The following KCTD16 variants were observed in gnomAD, a reference collection of about 807,000 sequenced individuals.
The protein encoded by KCTD16 is potassium channel tetramerization domain containing 16.
KCTD16 carries 13 observed loss-of-function variants against 33.2 expected under a neutral mutation model. The observed-to-expected ratio is 0.39, with a 90% CI of 0.25 to 0.62. The LOEUF (loss-of-function observed/expected upper bound fraction) is 0.62. KCTD16 is among the 20% of genes least tolerant of loss of function. KCTD16 has a pLI of 0.50. For missense variants in KCTD16, 441 were observed against 525.1 expected (o/e 0.84, Z 1.57); for synonymous variants, 197 against 195.3 (o/e 1.01, Z -0.07).
chr5:144,456,488 G>T (rs1754065969), intron 3 of KCTD16, among the ~76,000 whole-genome samples: 1 of 152,078 alleles, frequency 6.6e-6, no homozygotes, highest in Admixed American at 6.6e-5. Context: ...CACACAGGGG[G>T]GTCAGGGGTA....
chr5:144,363,346 T>G (rs1008227320), intron 3 of KCTD16, among the ~76,000 whole-genome samples: 1 of 151,744 alleles, frequency 6.6e-6, no homozygotes, highest in Non-Finnish European at 1.5e-5. Flanking sequence ...TGTCTCAATT[T>G]TTTTTTAAGT....
chr5:144,244,450 A>G (rs1222406742), intron 3 of KCTD16, among the ~76,000 whole-genome samples: 1 of 152,218 alleles, frequency 6.6e-6, no homozygotes, highest in East Asian at 1.9e-4. Context: ...ATGCAGTAGA[A>G]AGAATAATCA....
intron 3 of KCTD16, among the ~76,000 whole-genome samples, chr5:144,220,494 C>A (rs1002651235): frequency 6.6e-6 from 1 of 152,084 alleles, no homozygotes; most frequent in Non-Finnish European, 1.5e-5. Context: ...TTCTCCCCAC[C>A]TCATGATGAT....
intron 3 of KCTD16, among the ~76,000 whole-genome samples, chr5:144,209,760 C>A (rs1474558642): frequency 1.3e-5 from 2 of 148,704 alleles, no homozygotes; most frequent in African/African-American, 5.0e-5. Flanking sequence ...CACAAAGGAA[C>A]TCAACTTCCT....
chr5:144,417,437 G>A (rs1753085442), intron 3 of KCTD16, among the ~76,000 whole-genome samples: 1 of 152,008 alleles, frequency 6.6e-6, no homozygotes, highest in Admixed American at 6.6e-5. Context: ...AATGTCTAGT[G>A]AAATTCTTTG....
intron 3 of KCTD16, among the ~76,000 whole-genome samples, chr5:144,358,791 G>T (rs961326287): frequency 1.3e-5 from 2 of 152,194 alleles, no homozygotes; most frequent in African/African-American, 4.8e-5. Flanking sequence ...TGCACCCTCA[G>T]ATGGTAGAAG....
At chr5:144,287,394 C>T (rs1352622692) in intron 3 of KCTD16, among the ~76,000 whole-genome samples, 1 of 147,562 alleles carries the variant, frequency 6.8e-6, no homozygotes, top group East Asian at 2.0e-4. Flanking sequence ...TCGTTATGCT[C>T]CTTGTGGTTG....
At chr5:144,254,660 T>C (rs1205490353) in intron 3 of KCTD16, among the ~76,000 whole-genome samples, 1 of 152,224 alleles carries the variant, frequency 6.6e-6, no homozygotes, top group Admixed American at 6.5e-5. Flanking sequence ...CATTGGTTAA[T>C]AACTTTTAAT....
At chr5:144,361,771 G>A (rs1580901999) in intron 3 of KCTD16, among the ~76,000 whole-genome samples, 1 of 151,948 alleles carries the variant, frequency 6.6e-6, no homozygotes, top group Admixed American at 6.6e-5. Flanking sequence ...GCCAAATTAG[G>A]GTGTGTTCTC....
Position 144,323,722 on chromosome 5 carries a change from A to C in KCTD16, c.832+116176A>C, listed in dbSNP as rs544116914. 2.0e-5 allele frequency among the ~76,000 whole-genome samples: 3 copies of C among 152,262 alleles called. No individual in the cohort carries two copies. The South Asian group carries it at 6.2e-4, about 32-fold the overall frequency. ...TGCTCCCCATAGTTGGAGGTCTGTG[A>C]GGCACATTTTCACAGCCACCACATA... On this transcript the variant is annotated intron_variant, in intron 3 of 3. Transcript: ENST00000512467.
chr5:144,196,789 T>A (rs894644922), intron 2 of KCTD16, among the ~76,000 whole-genome samples: 7 of 152,230 alleles, frequency 4.6e-5, no homozygotes, highest in African/African-American at 1.7e-4. Context: ...AATTGTCTGA[T>A]GTCCTCTGGC....
chr5:144,446,189 T>A (rs1343452667), intron 3 of KCTD16, among the ~76,000 whole-genome samples: 1 of 151,922 alleles, frequency 6.6e-6, no homozygotes. Context: ...TTGATTTTTT[T>A]AAATGTGGGT....
At chr5:144,352,778 T>C (rs1357589914) in intron 3 of KCTD16, among the ~76,000 whole-genome samples, 1 of 152,218 alleles carries the variant, frequency 6.6e-6, no homozygotes, top group Admixed American at 6.5e-5. Context: ...AGTCAGAACA[T>C]TGAGATGATT....
At chr5:144,201,660 C>CATG (rs1753047281) in intron 2 of KCTD16, among the ~76,000 whole-genome samples, 1 of 152,210 alleles carries the variant, frequency 6.6e-6, no homozygotes, top group Non-Finnish European at 1.5e-5. Context: ...GGCTCAGAGA[C>CATG]ATGAGTCTCC....
In KCTD16 at chr5:144,324,106, G is replaced by T. The variant is rs1445658893; in HGVS notation, c.832+116560G>T. Among the ~76,000 whole-genome samples, 5 of 152,208 alleles carry T rather than the reference G, an allele frequency of 3.3e-5. No homozygotes were observed. The East Asian group carries it at 7.7e-4, about 24-fold the overall frequency. On this transcript the variant is annotated intron_variant, in intron 3 of 3. Coordinates refer to ENST00000512467, the MANE Select transcript of KCTD16 (RefSeq NM_020768.4). ...AATCTCTTCCCATTGCTTGAAATGT[G>T]GGAAGTTTAGGGAAAAAAGGTCACA...
intron 3 of KCTD16, among the ~76,000 whole-genome samples, chr5:144,385,969 T>G (rs1580921520): frequency 6.6e-6 from 1 of 152,024 alleles, no homozygotes; most frequent in Non-Finnish European, 1.5e-5. Flanking sequence ...TGGTAGAGAG[T>G]GAGGCTGAGC....
chr5:144,347,303 A>T (rs1236560104), intron 3 of KCTD16, among the ~76,000 whole-genome samples: 1 of 152,180 alleles, frequency 6.6e-6, no homozygotes, highest in African/African-American at 2.4e-5. Flanking sequence ...AAAGAAGTAA[A>T]TGCAAAACCG....
intron 2 of KCTD16, among the ~76,000 whole-genome samples, chr5:144,182,141 G>A (rs1052482577): frequency 9.2e-5 from 14 of 151,624 alleles, no homozygotes; most frequent in Non-Finnish European, 1.5e-4. Context: ...TGAAGGGATT[G>A]ATGCTGTTAT....
intron 3 of KCTD16, among the ~76,000 whole-genome samples, chr5:144,357,915 A>T (rs1481663010): frequency 6.6e-6 from 1 of 151,704 alleles, no homozygotes; most frequent in Non-Finnish European, 1.5e-5. Context: ...TAATTAATTA[A>T]TTTTTATTTA....
Sources: allele counts gnomAD v4.1 joint callset (sites outside exome capture counted in the v4.1 genomes callset), GRCh38; gene constraint gnomAD v4.1.1; transcripts MANE v1.5; gene names NCBI Gene and HGNC (gene_info 2026-07-23, HGNC 2026-07-21).